Variants in SH3GL2 observed in about 807,000 individuals in gnomAD.
SH3GL2 encodes the protein SH3 domain containing GRB2 like 2, endophilin A1, also known as endophilin-A1.
Under a neutral mutation model 46.0 loss-of-function variants are expected in SH3GL2, and 24 were observed. The observed-to-expected ratio is 0.52, with a 90% CI of 0.38 to 0.73. The LOEUF is 0.73. Ranked by LOEUF, SH3GL2 falls within the 30% of genes least tolerant of loss-of-function variation. The probability of loss-of-function intolerance (pLI) is 0.00; values close to 1 mark genes in which losing one functional copy is unlikely to be tolerated. For missense variants in SH3GL2, 413 were observed against 424.2 expected (o/e 0.97, Z 0.23); for synonymous variants, 196 against 147.1 (o/e 1.33, Z -2.40).
intron 1 of SH3GL2, among the ~76,000 whole-genome samples, chr9:17,723,951 T>G (rs956465418): frequency 6.6e-6 from 1 of 152,132 alleles, no homozygotes; most frequent in Non-Finnish European, 1.5e-5. Flanking sequence ...CGTTTTGAAG[T>G]GTCTGGTGTG....
At chr9:17,687,743 C>T (rs1482712832) in intron 1 of SH3GL2, among the ~76,000 whole-genome samples, 2 of 152,082 alleles carry the variant, frequency 1.3e-5, no homozygotes, top group South Asian at 4.1e-4. Context: ...CATTATTTTG[C>T]TGACTCTGAT....
intron 1 of SH3GL2, among the ~76,000 whole-genome samples, chr9:17,644,206 C>G (rs1819752004): frequency 6.6e-6 from 1 of 151,220 alleles, no homozygotes; most frequent in Admixed American, 6.6e-5. Flanking sequence ...TTTTATTGTG[C>G]CTATTTGATT....
chr9:17,654,533 A>G (rs191324609), intron 1 of SH3GL2, among the ~76,000 whole-genome samples: 3 of 152,328 alleles, frequency 2.0e-5, no homozygotes, highest in Admixed American at 6.5e-5. Flanking sequence ...CCTGTCAGTA[A>G]GACTAGTCTG....
chr9:17,636,275 A>G (rs1819542070), intron 1 of SH3GL2, among the ~76,000 whole-genome samples: 2 of 151,844 alleles, frequency 1.3e-5, no homozygotes, highest in East Asian at 3.8e-4. Flanking sequence ...CACTGTGGGC[A>G]GCATGGGAAT....
At chr9:17,758,589 A>AAAAAAAAAAAAG in intron 2 of SH3GL2, among the ~76,000 whole-genome samples, 1 of 145,966 alleles carries the variant, frequency 6.9e-6, no homozygotes. Context: ...AAAAAAAAAA[A>AAAAAAAAAAAAG]AAAAAATTGC....
At chr9:17,738,575 T>TATAG (rs146902227) in intron 1 of SH3GL2, among the ~76,000 whole-genome samples, 8,112 of 108,216 alleles carry the variant, frequency 0.075, 662 homozygotes, top group African/African-American at 0.17. Flanking sequence ...CATATATATA[T>TATAG]AGAGAGAGAG....
chr9:17,675,862 G>A (rs202005479), intron 1 of SH3GL2, among the ~76,000 whole-genome samples: 39 of 152,138 alleles, frequency 2.6e-4, no homozygotes, highest in African/African-American at 7.0e-4. Context: ...GGAGAATCAC[G>A]TGAACCCGGG....
chr9:17,698,246 C>G (rs543579713), intron 1 of SH3GL2, among the ~76,000 whole-genome samples: 115 of 152,308 alleles, frequency 7.6e-4, no homozygotes, highest in African/African-American at 2.6e-3. Context: ...CTTCAGTTAC[C>G]TTGTCTAAAA....
At chr9:17,723,267 A>G (rs1238773840) in intron 1 of SH3GL2, among the ~76,000 whole-genome samples, 1 of 152,086 alleles carries the variant, frequency 6.6e-6, no homozygotes, top group African/African-American at 2.4e-5. Context: ...TATGTTCACT[A>G]TTTTTACCAA....
chr9:17,725,604 T>A (rs1822001592), intron 1 of SH3GL2, among the ~76,000 whole-genome samples: 1 of 151,932 alleles, frequency 6.6e-6, no homozygotes, highest in Non-Finnish European at 1.5e-5. Context: ...TGAGTCAGAG[T>A]TGTGGTGATG....
intron 1 of SH3GL2, among the ~76,000 whole-genome samples, chr9:17,619,013 A>T (rs1819069726): frequency 1.3e-5 from 2 of 152,202 alleles, no homozygotes; most frequent in South Asian, 4.1e-4. Flanking sequence ...TTTAAGTACA[A>T]AAAAGTAGTA....
At chr9:17,731,876 G>A (rs971677611) in intron 1 of SH3GL2, among the ~76,000 whole-genome samples, 2 of 152,054 alleles carry the variant, frequency 1.3e-5, no homozygotes, top group Non-Finnish European at 2.9e-5. Flanking sequence ...CTGGGCTTTT[G>A]GACATCCTCC....
chr9:17,686,946 A>AG (rs1306784153), intron 1 of SH3GL2, among the ~76,000 whole-genome samples: 1 of 151,828 alleles, frequency 6.6e-6, no homozygotes, highest in East Asian at 1.9e-4. Context: ...TAATTAAAAA[A>AG]AAAAAGAATT....
intron 1 of SH3GL2, among the ~76,000 whole-genome samples, chr9:17,734,977 G>A (rs1434608473): frequency 1.3e-5 from 2 of 152,088 alleles, no homozygotes; most frequent in African/African-American, 4.8e-5. Flanking sequence ...TCTTTACAAA[G>A]TAATGCATTC....
intron 1 of SH3GL2, among the ~76,000 whole-genome samples, chr9:17,587,473 G>A (rs776477490): frequency 2.0e-5 from 3 of 152,168 alleles, no homozygotes; most frequent in African/African-American, 7.2e-5. Context: ...CTTTGGGAAC[G>A]GCATAACTTT....
intron 1 of SH3GL2, among the ~76,000 whole-genome samples, chr9:17,647,816 C>A (rs1272713179): frequency 2.0e-5 from 3 of 152,154 alleles, no homozygotes; most frequent in Non-Finnish European, 4.4e-5. Context: ...AGCATTTTTA[C>A]AGTTGAACTT....
chr9:17,772,136 A>G (rs1343787918), intron 3 of SH3GL2, among the ~76,000 whole-genome samples: 2 of 152,288 alleles, frequency 1.3e-5, no homozygotes, highest in East Asian at 3.9e-4. Flanking sequence ...ACCAGGCCAT[A>G]ATATGCAATA....
intron 1 of SH3GL2, among the ~76,000 whole-genome samples, chr9:17,729,890 G>A (rs2118406551): frequency 6.6e-6 from 1 of 152,244 alleles, no homozygotes; most frequent in South Asian, 2.1e-4. Context: ...AAGTCATGTG[G>A]CATGATGCCT....
chr9:17,727,100 T>A (rs1822040638), intron 1 of SH3GL2, among the ~76,000 whole-genome samples: 1 of 152,168 alleles, frequency 6.6e-6, no homozygotes. Flanking sequence ...AATGTTAATA[T>A]AGACTTACAG....
Sources: gnomAD v4.1 joint callset for allele counts (sites outside exome capture counted in the v4.1 genomes callset) on GRCh38, gnomAD v4.1.1 for gene constraint, MANE v1.5 for transcripts, NCBI Gene and HGNC (gene_info 2026-07-23, HGNC 2026-07-21) for gene names.